The following LINGO2 variants were observed in gnomAD, a reference collection of about 807,000 sequenced individuals.
LINGO2 encodes the protein leucine-rich repeat and immunoglobulin-like domain-containing nogo receptor-interacting protein 2.
Under a neutral mutation model 30.6 loss-of-function variants are expected in LINGO2, and 14 were observed. The ratio of observed to expected loss-of-function variants is 0.46; its 90% CI spans 0.30 to 0.72. LINGO2 has a LOEUF of 0.72. Among genes scored for constraint, LINGO2 ranks in the 30% least tolerant of loss-of-function variants. LINGO2 has a pLI of 0.07. For missense variants in LINGO2, 729 were observed against 751.7 expected, an observed-to-expected ratio of 0.97 and a Z score of 0.35; for synonymous variants, 317 against 288.5, an observed-to-expected ratio of 1.10 and a Z score of -1.00.
chr9:28,744,920 C>A, the LINGO2 span, among the ~76,000 whole-genome samples: 1 of 151,956 alleles, frequency 6.6e-6, no homozygotes. Flanking sequence ...CAGGTGTGAG[C>A]CACTGCGCTG....
At chr9:28,979,911 C>A in the LINGO2 span, among the ~76,000 whole-genome samples, 1 of 152,066 alleles carries the variant, frequency 6.6e-6, no homozygotes, top group Non-Finnish European at 1.5e-5. Context: ...AACAAAATAT[C>A]AGTGACTTCT....
intron 4 of LINGO2, among the ~76,000 whole-genome samples, chr9:28,185,615 G>C (rs1283448286): frequency 6.6e-6 from 1 of 152,026 alleles, no homozygotes; most frequent in Admixed American, 6.6e-5. Context: ...GTATTCTTTA[G>C]AAAACTGAAA....
intron 4 of LINGO2, among the ~76,000 whole-genome samples, chr9:28,054,586 C>A (rs1046517035): frequency 2.6e-5 from 4 of 152,070 alleles, no homozygotes; most frequent in Admixed American, 1.3e-4. Flanking sequence ...GAAAAACTTA[C>A]AACACTTGAT....
chr9:28,913,858 C>G, the LINGO2 span, among the ~76,000 whole-genome samples: 2 of 152,102 alleles, frequency 1.3e-5, no homozygotes, highest in Admixed American at 1.3e-4. Flanking sequence ...ATAGTGAGTA[C>G]AATTTCATTT....
chr9:28,300,946 C>T (rs1373886556), intron 3 of LINGO2, among the ~76,000 whole-genome samples: 2 of 151,348 alleles, frequency 1.3e-5, no homozygotes, highest in African/African-American at 4.9e-5. Flanking sequence ...TTTGGCTTGG[C>T]CTGGTCAACT....
the LINGO2 span, among the ~76,000 whole-genome samples, chr9:28,790,735 A>C: frequency 6.6e-6 from 1 of 152,098 alleles, no homozygotes; most frequent in African/African-American, 2.4e-5. Context: ...CATAACTTTT[A>C]TTATAGTATA....
At chr9:28,929,388 G>A in the LINGO2 span, among the ~76,000 whole-genome samples, 1 of 152,204 alleles carries the variant, frequency 6.6e-6, no homozygotes, top group Admixed American at 6.5e-5. Context: ...AAACAATAAG[G>A]AATAAAATGT....
At chr9:28,040,782 C>CTAAT (rs113902602) in intron 4 of LINGO2, among the ~76,000 whole-genome samples, 143,029 of 151,958 alleles carry the variant, frequency 0.94, 67,344 homozygotes, top group Non-Finnish European at 0.96. Flanking sequence ...CCAAAACAGA[C>CTAAT]TAACAGAGCC....
chr9:28,634,121 T>C lies in LINGO2; in HGVS notation c.-365+36079A>G, dbSNP rs139345937. Among the ~76,000 whole-genome samples the C allele has an allele frequency of 7.6e-3, 1,154 of 152,236 alleles. 14 individuals are homozygous for C. The highest frequency in any genetic ancestry group is 8.6e-3 in the Non-Finnish European group (588 of 68,006). ...AAAAGCAAATGTACAAAGAACAACA[T>C]CAAAATCCAGTTTTAGCCCCATGGA... On this transcript the variant is annotated intron_variant, in intron 1 of 5. Coordinates refer to ENST00000379992, the Ensembl canonical transcript of LINGO2.
chr9:28,464,143 A>G (rs1587708948), intron 2 of LINGO2, among the ~76,000 whole-genome samples: 1 of 152,196 alleles, frequency 6.6e-6, no homozygotes, highest in African/African-American at 2.4e-5. Context: ...ATTTCATAAT[A>G]CAATATTTCA....
the LINGO2 span, among the ~76,000 whole-genome samples, chr9:28,708,778 T>TATCTATCTATCTATCTATCTATC: frequency 2.0e-5 from 3 of 151,910 alleles, no homozygotes; most frequent in African/African-American, 7.3e-5. Flanking sequence ...TCTATCTATC[T>TATCTATCTATCTATCTATCTATC]ATCTATCTAT....
At chr9:29,111,873 G>GTATATATACATATATTTATATATGTGTA in the LINGO2 span, among the ~76,000 whole-genome samples, 1 of 149,620 alleles carries the variant, frequency 6.7e-6, no homozygotes. Context: ...ATATATGTGT[G>GTATATATACATATATTTATATATGTGTA]TATATATACA....
intron 4 of LINGO2, among the ~76,000 whole-genome samples, chr9:28,234,283 C>CAG (rs1455068006): frequency 6.6e-6 from 1 of 152,164 alleles, no homozygotes; most frequent in Non-Finnish European, 1.5e-5. Context: ...AAGCTAACAT[C>CAG]AGCAGTGGCA....
At chr9:28,590,468 A>C (rs1167135888) in intron 1 of LINGO2, among the ~76,000 whole-genome samples, 5 of 152,074 alleles carry the variant, frequency 3.3e-5, no homozygotes, top group South Asian at 2.1e-4. Flanking sequence ...AGAAAAAAAA[A>C]CAGACAACCC....
intron 5 of LINGO2, among the ~76,000 whole-genome samples, chr9:27,969,135 A>G (rs918624965): frequency 6.6e-6 from 1 of 152,082 alleles, no homozygotes; most frequent in South Asian, 2.1e-4. Flanking sequence ...AGTGAAAAAC[A>G]GATAAAGTAT....
At chr9:29,013,254 T>A in the LINGO2 span, among the ~76,000 whole-genome samples, 1 of 152,186 alleles carries the variant, frequency 6.6e-6, no homozygotes, top group African/African-American at 2.4e-5. Context: ...CTTGGGAAGT[T>A]TGGAAGAACT....
At chr9:29,130,484 C>T in the LINGO2 span, among the ~76,000 whole-genome samples, 3 of 152,078 alleles carry the variant, frequency 2.0e-5, no homozygotes, top group African/African-American at 7.2e-5. Context: ...ATTAGCAAAG[C>T]TATGTCAGGA....
intron 2 of LINGO2, among the ~76,000 whole-genome samples, chr9:28,384,843 T>C: frequency 6.6e-6 from 1 of 151,830 alleles, no homozygotes; most frequent in East Asian, 1.9e-4. Context: ...AAAAAATGTC[T>C]TCACATTTCA....
At chr9:27,949,260 C>T (rs866067533) in exon 6 of LINGO2, 2 of 1,614,056 alleles carry the variant, frequency 1.2e-6, no homozygotes, top group South Asian at 1.1e-5. Flanking sequence ...CTGGGCAAAG[C>T]GGATTTCCAA....
Sources: gnomAD v4.1 joint callset for allele counts (sites outside exome capture counted in the v4.1 genomes callset) on GRCh38, gnomAD v4.1.1 for gene constraint, MANE v1.5 for transcripts, NCBI Gene and HGNC (gene_info 2026-07-23, HGNC 2026-07-21) for gene names.